Variants in CNTN5 observed in about 807,000 individuals in gnomAD.
The protein encoded by CNTN5 is contactin 5, also known as contactin-5.
A neutral mutation model predicts 129.1 loss-of-function variants in CNTN5; 77 were observed. The observed-to-expected ratio is 0.60, with a 90% CI of 0.50 to 0.72. CNTN5 has a LOEUF of 0.72. CNTN5 is among the 30% of genes least tolerant of loss of function. The probability of loss-of-function intolerance (pLI) is 0.00; values close to 1 mark genes in which losing one functional copy is unlikely to be tolerated. For missense variants in CNTN5, 1,478 were observed against 1,328.8 expected, an observed-to-expected ratio of 1.11 and a Z score of -1.75; for synonymous variants, 509 against 465.6, an observed-to-expected ratio of 1.09 and a Z score of -1.20.
chr11:100,113,564 G>T (rs1164079948), intron 13 of CNTN5, among the ~76,000 whole-genome samples: 1 of 151,366 alleles, frequency 6.6e-6, no homozygotes, highest in Non-Finnish European at 1.5e-5. Flanking sequence ...CCTCAGTATT[G>T]TTCAAAAGTT....
chr11:99,822,309 A>G lies in CNTN5; in HGVS notation c.277+2544A>G, dbSNP rs542103902. On this transcript the variant is annotated intron_variant, in intron 4 of 24. Transcript: ENST00000524871. ...ATACAAGTACGAGGAAATAAAACGC[A>G]TCTTCACCACAATATGTTTAAGAGT... is the stretch of plus-strand genomic sequence containing the variant. Among the ~76,000 whole-genome samples the G allele has an allele frequency of 2.0e-5, 3 of 152,342 alleles. No individual in the cohort carries two copies. In the East Asian group the frequency reaches 5.8e-4, roughly 29 times the overall value.
chr11:99,450,133 A>G (rs999208862), intron 2 of CNTN5, among the ~76,000 whole-genome samples: 1 of 152,078 alleles, frequency 6.6e-6, no homozygotes, highest in Non-Finnish European at 1.5e-5. Context: ...TTTGGGGAAA[A>G]AGAGTTACTG....
At chr11:100,098,000 T>C (rs1466939907) in intron 13 of CNTN5, among the ~76,000 whole-genome samples, 2 of 152,044 alleles carry the variant, frequency 1.3e-5, no homozygotes, top group Non-Finnish European at 2.9e-5. Flanking sequence ...CTTCATTTGT[T>C]TCGTTGTCAG....
At chr11:99,753,119 C>CTTTTTTTTTTTTTTT (rs375324214) in intron 3 of CNTN5, among the ~76,000 whole-genome samples, 8 of 93,078 alleles carry the variant, frequency 8.6e-5, no homozygotes, top group East Asian at 3.7e-4. Context: ...GCCATATTTG[C>CTTTTTTTTTTTTTTT]TTTTTTTTTT....
At chr11:99,601,498 T>C (rs909331960) in intron 3 of CNTN5, among the ~76,000 whole-genome samples, 1 of 152,182 alleles carries the variant, frequency 6.6e-6, no homozygotes, top group East Asian at 1.9e-4. Context: ...CCTAGAAATA[T>C]CCCTTGAGAG....
intron 1 of CNTN5, among the ~76,000 whole-genome samples, chr11:99,039,766 G>T (rs543415553): frequency 6.6e-6 from 1 of 152,212 alleles, no homozygotes; most frequent in Admixed American, 6.5e-5. Context: ...GCCTTAGCTT[G>T]TATGGCCCTT....
chr11:99,516,658 GA>G (rs34390450), intron 2 of CNTN5, among the ~76,000 whole-genome samples: 4 of 151,734 alleles, frequency 2.6e-5, no homozygotes, highest in Admixed American at 2.0e-4. Context: ...TAGTTGTTAG[GA>G]AAAAAAGATT....
At chr11:99,758,348 C>T (rs1325534532) in intron 3 of CNTN5, among the ~76,000 whole-genome samples, 1 of 151,956 alleles carries the variant, frequency 6.6e-6, no homozygotes, top group East Asian at 1.9e-4. Context: ...TTATATGATC[C>T]TGCTTACAAA....
chr11:100,029,830 A>T (rs1023108048), intron 9 of CNTN5, among the ~76,000 whole-genome samples: 5 of 152,172 alleles, frequency 3.3e-5, no homozygotes, highest in African/African-American at 4.8e-5. Flanking sequence ...GAATCTTTAC[A>T]GCCCTCTCAT....
chr11:100,221,246 C>G (rs1206901483), intron 15 of CNTN5, among the ~76,000 whole-genome samples: 1 of 152,118 alleles, frequency 6.6e-6, no homozygotes, highest in African/African-American at 2.4e-5. Flanking sequence ...ATGCCTATGT[C>G]TAGGTGAATG....
At chr11:99,456,789 A>G (rs1944512218) in intron 2 of CNTN5, among the ~76,000 whole-genome samples, 1 of 152,118 alleles carries the variant, frequency 6.6e-6, no homozygotes, top group South Asian at 2.1e-4. Flanking sequence ...TTATTAATAT[A>G]TAGCAATATC....
chr11:99,927,224 T>G (rs914835245), intron 7 of CNTN5, among the ~76,000 whole-genome samples: 10 of 152,306 alleles, frequency 6.6e-5, no homozygotes, highest in Admixed American at 2.6e-4. Flanking sequence ...TCTTTATCCC[T>G]GTTTTATAAG....
Position 99,756,558 on chromosome 11 carries a change from CA to C in CNTN5, c.56-62985del, listed in dbSNP as rs754705226. Reference sequence around the variant, plus strand: ...TTTCCCTGCTAAGATCACTAGAAATCAGAGTTGTCTCATTAAATACACACTC... The same window carrying C: ...TTTCCCTGCTAAGATCACTAGAAATCGAGTTGTCTCATTAAATACACACTC... On this transcript the variant is annotated intron_variant, in intron 3 of 24. Coordinates refer to ENST00000524871, the MANE Select transcript of CNTN5 (RefSeq NM_014361.4). Among the ~76,000 whole-genome samples the C allele has an allele frequency of 2.6e-5, 4 of 152,062 alleles. No homozygotes were observed. The East Asian group carries it at 7.7e-4, about 29-fold the overall frequency.
At chr11:100,256,581 G>A (rs1950074790) in intron 17 of CNTN5, among the ~76,000 whole-genome samples, 1 of 152,120 alleles carries the variant, frequency 6.6e-6, no homozygotes. Context: ...GGTGATTTCT[G>A]CATTTCCAAT....
chr11:99,839,240 T>C lies in CNTN5; in HGVS notation c.278-5612T>C, dbSNP rs561379048. 1.6e-4 allele frequency among the ~76,000 whole-genome samples: 25 copies of C among 152,232 alleles called. No individual in the cohort carries two copies. In the South Asian group the frequency reaches 3.7e-3, roughly 23 times the overall value. On this transcript the variant is annotated intron_variant, in intron 4 of 24. Transcript: ENST00000524871. Reference sequence around the variant, plus strand: ...TTGTCGTCAGACTTCAAGACAAATATCAGTTTACCTAATGGTAAGTCACCA... The same window carrying C: ...TTGTCGTCAGACTTCAAGACAAATACCAGTTTACCTAATGGTAAGTCACCA...
At chr11:99,793,028 C>G (rs1415976277) in intron 3 of CNTN5, among the ~76,000 whole-genome samples, 1 of 151,368 alleles carries the variant, frequency 6.6e-6, no homozygotes, top group Non-Finnish European at 1.5e-5. Context: ...TATTTTTTTG[C>G]CTGTATTAGT....
At chr11:100,062,764 G>A (rs1214271570) in intron 10 of CNTN5, among the ~76,000 whole-genome samples, 1 of 152,124 alleles carries the variant, frequency 6.6e-6, no homozygotes, top group Admixed American at 6.6e-5. Flanking sequence ...TATTAGTAGT[G>A]GTTTGATTGT....
chr11:100,218,655 T>C (rs1386833848), intron 15 of CNTN5, among the ~76,000 whole-genome samples: 1 of 152,240 alleles, frequency 6.6e-6, no homozygotes, highest in Non-Finnish European at 1.5e-5. Flanking sequence ...TAGCCAGTCC[T>C]GGTGGTCTGT....
chr11:100,270,918 C>T (rs761733420), intron 17 of CNTN5, among the ~76,000 whole-genome samples, 174 bp from the exon 18 acceptor site: 18 of 152,084 alleles, frequency 1.2e-4, no homozygotes, highest in Non-Finnish European at 2.5e-4. Flanking sequence ...GTGCTTACTC[C>T]CTGAAGATTG....
Sources: gnomAD v4.1 joint callset for allele counts (sites outside exome capture counted in the v4.1 genomes callset) on GRCh38, gnomAD v4.1.1 for gene constraint, MANE v1.5 for transcripts, NCBI Gene and HGNC (gene_info 2026-07-23, HGNC 2026-07-21) for gene names.